Variants in ZNF569 observed in about 807,000 individuals in gnomAD.
ZNF569 encodes DNA-binding protein.
ZNF569 carries 38 observed loss-of-function variants against 56.3 expected under a neutral mutation model. The observed-to-expected ratio is 0.68, with a 90% CI of 0.52 to 0.88. The LOEUF (loss-of-function observed/expected upper bound fraction) is 0.88. Among genes scored for constraint, ZNF569 ranks in the 40% least tolerant of loss-of-function variants. The pLI, the probability that ZNF569 is intolerant of heterozygous loss-of-function variation, is 0.00. For synonymous variants in ZNF569, 241 were observed against 262.9 expected, an observed-to-expected ratio of 0.92 and a Z score of 0.81; for missense variants, 666 against 809.2, an observed-to-expected ratio of 0.82 and a Z score of 2.15.
rs993160289 is a variant in ZNF569 at position 37,467,241 on chromosome 19, G to C, written c.-362C>G. The C allele has an allele frequency of 1.3e-5, 2 of 152,460 alleles. No homozygotes were observed. The highest frequency in any genetic ancestry group is 2.4e-5 in the African/African-American group (1 of 41,468). The allele number at this position is 152,460 out of a possible 1,614,324, so 9.4% of individuals were successfully genotyped here. On this transcript the variant is annotated 5_prime_UTR_variant, in exon 1 of 6. Transcript: ENST00000316950. ...GTTACACCAGGGGCGACGCTTCCCA[G>C]AGGCCCCCGCGGCTCACCCGGGCGG...
upstream of ZNF569, chr19:37,467,850 C>T (rs1214893800): frequency 2.3e-5 from 36 of 1,534,384 alleles, no homozygotes; most frequent in Admixed American, 5.9e-5. Flanking sequence ...TTTATATTCT[C>T]GTGGCTGTTT....
chr19:37,432,483 G>T (rs961432492), intron 3 of ZNF569, among the ~76,000 whole-genome samples: 4 of 152,200 alleles, frequency 2.6e-5, no homozygotes, highest in Non-Finnish European at 5.9e-5. Flanking sequence ...TGCAGATATG[G>T]TTGCAGTGAC....
At chr19:37,427,010 T>C (rs559819687) in intron 3 of ZNF569, among the ~76,000 whole-genome samples, 191 of 152,296 alleles carry the variant, frequency 1.3e-3, no homozygotes, top group Admixed American at 3.7e-3. Flanking sequence ...TAACTGAAAC[T>C]GTGTATTTAA....
intron 5 of ZNF569, among the ~76,000 whole-genome samples, chr19:37,416,250 C>CA (rs1239792068): frequency 2.4e-5 from 3 of 124,342 alleles, no homozygotes; most frequent in Admixed American, 8.0e-5. Flanking sequence ...AACAAACAAA[C>CA]AAAAAAACAA....
chr19:37,440,622 C>A (rs1278023608), intron 3 of ZNF569, among the ~76,000 whole-genome samples: 1 of 152,014 alleles, frequency 6.6e-6, no homozygotes, highest in Non-Finnish European at 1.5e-5. Context: ...ACAAAGAATT[C>A]AATGCTAGCA....
Position 37,412,925 on chromosome 19 carries a change from T to C in ZNF569, c.1733A>G (p.Tyr578Cys). ...GGCTTTCCCACATTCATTACATACA[T>C]AGGGCTTCTCACCTGTGTGACTTCT... ...HMRSHTGEKP[Y>C]VCNECGKAFS... The change falls in exon 6 of 6, where the codon TAT (tyrosine) becomes TGT (cysteine). Residue 578 changes from tyrosine (Y) to cysteine (C), a missense_variant. Physicochemically the swap from Tyr to Cys is radical, Grantham distance 194. Coordinates refer to ENST00000316950, the MANE Select transcript of ZNF569 (RefSeq NM_152484.3). 4 of 1,614,014 alleles carry C rather than the reference T, an allele frequency of 2.5e-6. No homozygotes were observed. The South Asian group carries it at 3.3e-5, about 13-fold the overall frequency.
intron 2 of ZNF569, among the ~76,000 whole-genome samples, chr19:37,451,711 T>C (rs2041596246): frequency 6.6e-6 from 1 of 152,168 alleles, no homozygotes; most frequent in Non-Finnish European, 1.5e-5. Flanking sequence ...GTGACAGTTT[T>C]TTACTTAAAT....
In ZNF569 at chr19:37,413,059, T is replaced by C; in HGVS notation, c.1599A>G (p.Gln533=). The C allele has an allele frequency of 1.2e-6, 2 of 1,613,998 alleles. No homozygotes were observed. The highest frequency in any genetic ancestry group is 8.5e-7 in the Non-Finnish European group (1 of 1,179,934). The change falls in exon 6 of 6, where the codon CAA becomes CAG. Residue 533 remains glutamine, a synonymous_variant. Transcript: ENST00000316950. Reference sequence around the variant, plus strand: ...TCAAATGAAGGGTAAGGGATGCAATTTGAGAGAAGGCTTTACCACATTCAT... The same window carrying C: ...TCAAATGAAGGGTAAGGGATGCAATCTGAGAGAAGGCTTTACCACATTCAT... ...DCNECGKAFS[Q]IASLTLHLRS...
intron 2 of ZNF569, among the ~76,000 whole-genome samples, chr19:37,447,239 T>C (rs553566412): frequency 2.1e-4 from 32 of 152,320 alleles, no homozygotes; most frequent in Non-Finnish European, 1.5e-5. Flanking sequence ...ATCCCACTCC[T>C]GGGTATTTAT....
At chr19:37,443,503 G>A (rs1315787275) in intron 3 of ZNF569, among the ~76,000 whole-genome samples, 4 of 152,106 alleles carry the variant, frequency 2.6e-5, no homozygotes, top group Non-Finnish European at 5.9e-5. Flanking sequence ...AAGTGTACTA[G>A]GTGATCTTCT....
At chr19:37,428,036 C>T (rs1302607028) in intron 3 of ZNF569, among the ~76,000 whole-genome samples, 1 of 152,116 alleles carries the variant, frequency 6.6e-6, no homozygotes, top group Non-Finnish European at 1.5e-5. Flanking sequence ...TAAAAATCAG[C>T]ACCAAAGATT....
rs1323961024 is a variant in ZNF569, at chr19:37,411,196, A to ATGTT, written c.*1400_*1401insAACA. ...TTTATTAAAGAAATATTACAGATAA[A>ATGTT]TATAACAACTCCCACCAAACCTTTC... On this transcript the variant is annotated 3_prime_UTR_variant, in exon 6 of 6. Transcript: ENST00000316950. 6.6e-6 allele frequency: 1 copy of ATGTT among 152,206 alleles called. No homozygotes were observed. The highest frequency in any genetic ancestry group is 2.4e-5 in the African/African-American group (1 of 41,468). The allele number at this position is 152,206 out of a possible 1,614,324, so 9.4% of individuals were successfully genotyped here.
intron 3 of ZNF569, among the ~76,000 whole-genome samples, chr19:37,429,557 A>G (rs1280990812): frequency 6.6e-6 from 1 of 152,238 alleles, no homozygotes; most frequent in East Asian, 1.9e-4. Context: ...TTTGGCAGCT[A>G]TGAAGGGATG....
At chr19:37,419,113 A>G (rs2146868051) in intron 5 of ZNF569, among the ~76,000 whole-genome samples, 1 of 152,192 alleles carries the variant, frequency 6.6e-6, no homozygotes, top group African/African-American at 2.4e-5. Flanking sequence ...GTGTCTGTTC[A>G]TGTCCGTTTA....
Position 37,425,917 on chromosome 19 carries a change from TTC to T in ZNF569, c.187_188del (p.Glu63ArgfsTer23). ...KPDVIFKLEQ[E>X]EEPWVMEEEV... Reference sequence around the variant, plus strand: ...CTTCCTCCATCACCCATGGTTCTTCTTCTTGCTCCAATTTGAAAATCACATCA... The same window carrying T: ...CTTCCTCCATCACCCATGGTTCTTCTTTGCTCCAATTTGAAAATCACATCA... On this transcript the variant is annotated frameshift_variant, in exon 5 of 6. Transcript: ENST00000316950. LOFTEE classifies it high-confidence loss of function. The T allele has an allele frequency of 2.5e-6, 4 of 1,614,072 alleles. No individual in the cohort carries two copies. The highest frequency in any genetic ancestry group is 3.4e-6 in the Non-Finnish European group (4 of 1,179,966).
At chr19:37,445,885 C>A (rs554974233) in intron 2 of ZNF569, among the ~76,000 whole-genome samples, 1 of 151,956 alleles carries the variant, frequency 6.6e-6, no homozygotes, top group African/African-American at 2.4e-5. Flanking sequence ...AAGCAATCTA[C>A]AAATTTGATG....
chr19:37,464,983 C>T (rs2041808999), intron 2 of ZNF569, among the ~76,000 whole-genome samples: 1 of 152,182 alleles, frequency 6.6e-6, no homozygotes, highest in Non-Finnish European at 1.5e-5. Context: ...CCAATTTGAT[C>T]TGCCCTCCTC....
intron 3 of ZNF569, chr19:37,427,862 T>C (rs2041161339): frequency 7.3e-5 from 37 of 507,550 alleles, no homozygotes; most frequent in South Asian, 5.4e-4. Flanking sequence ...GGAGAAAGCA[T>C]GATGTGGAAA....
At chr19:37,426,132 A>C (rs1356333109) in intron 4 of ZNF569, 120 bp downstream of exon 4, 21 of 1,349,728 alleles carry the variant, frequency 1.6e-5, no homozygotes, top group Non-Finnish European at 2.1e-5. Context: ...ACATGAGCAA[A>C]AGCATCCCAA....
Sources: allele counts gnomAD v4.1 joint callset (sites outside exome capture counted in the v4.1 genomes callset), GRCh38; gene constraint gnomAD v4.1.1; transcripts MANE v1.5; gene names NCBI Gene and HGNC (gene_info 2026-07-23, HGNC 2026-07-21).